SMC5: variants seen among roughly 807,000 people sequenced by gnomAD.
SMC5 encodes structural maintenance of chromosomes protein 5.
A neutral mutation model predicts 148.3 loss-of-function variants in SMC5; 88 were observed. The ratio of observed to expected loss-of-function variants is 0.59; its 90% CI spans 0.50 to 0.71. The LOEUF (loss-of-function observed/expected upper bound fraction) is 0.71, where lower values mean the gene tolerates loss of function less well. Ranked by LOEUF, SMC5 falls within the 30% of genes least tolerant of loss-of-function variation. The pLI is 0.00. For missense variants in SMC5, 1,142 were observed against 1,298.9 expected, an observed-to-expected ratio of 0.88 and a Z score of 1.86; for synonymous variants, 421 against 432.8, an observed-to-expected ratio of 0.97 and a Z score of 0.34.
intron 5 of SMC5, among the ~76,000 whole-genome samples, chr9:70,279,777 A>C (rs954618925): frequency 6.1e-5 from 9 of 147,734 alleles, no homozygotes; most frequent in Non-Finnish European, 1.5e-5. Context: ...AGAACACGCC[A>C]TTGCACTCCA....
At chr9:70,344,084 T>G in intron 17 of SMC5, 60 bp from the exon 18 acceptor site, 1 of 1,087,840 alleles carries the variant, frequency 9.2e-7, no homozygotes, top group Non-Finnish European at 1.2e-6. Context: ...GGTAGTTTAA[T>G]AAAACATCCC....
chr9:70,349,968 A>G (rs553968355), intron 22 of SMC5, 146 bp from the exon 23 acceptor site: 5 of 432,876 alleles, frequency 1.2e-5, no homozygotes, highest in South Asian at 5.1e-5. Context: ...TTAAAAATAC[A>G]TATATATTTA....
chr9:70,343,607 G>C (rs2036580715), intron 17 of SMC5, among the ~76,000 whole-genome samples: 1 of 152,092 alleles, frequency 6.6e-6, no homozygotes, highest in African/African-American at 2.4e-5. Context: ...CTTGAGGCCA[G>C]GAGTTGGAGA....
At position 70,259,107 on chromosome 9, in the gene SMC5, C is replaced by T. The variant is rs1475684118; in HGVS notation, c.29C>T (p.Thr10Ile). The T allele has an allele frequency of 1.2e-6, 2 of 1,611,480 alleles. No homozygotes were observed. Among genetic ancestry groups the T allele is most frequent in the South Asian group, 1.1e-5 (1 of 90,528 alleles). The change falls in exon 1 of 25, where the codon ACT (threonine) becomes ATT (isoleucine). Residue 10 changes from threonine (T) to isoleucine (I), a missense_variant. Around this residue, in one of 5 missense-constraint regions of SMC5, gnomAD observed 297 missense variants for 302.6 expected, o/e 0.98. Coordinates refer to ENST00000361138, the MANE Select transcript of SMC5 (RefSeq NM_015110.4). ...GCGACTCCGAGCAAGAAGACGTCAA[C>T]TCCAAGCCCCCAGCCTTCCAAGAGA... The part of the protein sequence containing the change: MATPSKKTS[T>I]PSPQPSKRAL...
chr9:70,291,820 A>T (rs1242330854), intron 8 of SMC5, among the ~76,000 whole-genome samples: 1 of 151,870 alleles, frequency 6.6e-6, no homozygotes, highest in Non-Finnish European at 1.5e-5. Flanking sequence ...ATGAGGATTT[A>T]TTAGGTTGGT....
chr9:70,342,478 C>T (rs1357496985), intron 17 of SMC5, among the ~76,000 whole-genome samples: 1 of 152,106 alleles, frequency 6.6e-6, no homozygotes, highest in African/African-American at 2.4e-5. Flanking sequence ...TGTGCTTAGG[C>T]CATTCCATAT....
intron 1 of SMC5, among the ~76,000 whole-genome samples, chr9:70,260,089 C>T (rs547489828): frequency 3.3e-5 from 5 of 152,136 alleles, no homozygotes; most frequent in Admixed American, 6.5e-5. Flanking sequence ...GGACTACAGG[C>T]GCGCGCCACC....
chr9:70,329,864 A>G (rs2036176252), intron 17 of SMC5, among the ~76,000 whole-genome samples: 2 of 152,222 alleles, frequency 1.3e-5, no homozygotes, highest in South Asian at 2.1e-4. Flanking sequence ...CAGGCTGTAC[A>G]AGGTGCATGG....
chr9:70,290,961 A>C lies in SMC5; in HGVS notation c.1053+4690A>C, dbSNP rs1434068830. 2.6e-5 allele frequency among the ~76,000 whole-genome samples: 4 copies of C among 152,172 alleles called. No individual in the cohort carries two copies. In the South Asian group the frequency reaches 6.2e-4, roughly 24 times the overall value. ...ACTGCTTTTTTCCTGAGTATGGGCC[A>C]TACTTTTTCCTTTATTTGAAAGTGT... On this transcript the variant is annotated intron_variant, in intron 8 of 24. Coordinates refer to ENST00000361138, the MANE Select transcript of SMC5 (RefSeq NM_015110.4).
chr9:70,316,570 G>C (rs538003323), intron 13 of SMC5, among the ~76,000 whole-genome samples: 2 of 152,148 alleles, frequency 1.3e-5, no homozygotes, highest in African/African-American at 4.8e-5. Context: ...GTTTAGAAAA[G>C]AGGACAAGAC....
intron 1 of SMC5, among the ~76,000 whole-genome samples, chr9:70,260,948 G>A (rs950813674): frequency 1.3e-5 from 2 of 152,022 alleles, no homozygotes; most frequent in Admixed American, 6.5e-5. Flanking sequence ...TCACCATGTT[G>A]CCCAGGCTAG....
intron 3 of SMC5, among the ~76,000 whole-genome samples, chr9:70,272,131 A>G (rs2034465185): frequency 6.6e-6 from 1 of 152,212 alleles, no homozygotes; most frequent in Admixed American, 6.5e-5. Flanking sequence ...TTGCTTATGA[A>G]TTATATACAG....
At position 70,315,541 on chromosome 9, in the gene SMC5, C is replaced by T; in HGVS notation, c.1769C>T (p.Pro590Leu). Residue 590 changes from proline (P) to leucine (L), a missense_variant, in exon 13 of 25, where the codon CCT becomes CTT. This residue lies in a region of SMC5 where 743 missense variants were observed against 835.7 expected (regional missense o/e 0.89). Coordinates refer to ENST00000361138, the MANE Select transcript of SMC5 (RefSeq NM_015110.4). ...TGTCAGTATCATATTCATGAAGTTC[C>T]TGTAGGAACTGAAAAGACCAGAGAA... ...LCCQYHIHEV[P>L]VGTEKTRERI... The T allele has an allele frequency of 6.3e-7, 1 of 1,592,144 alleles. No individual in the cohort carries two copies. The highest frequency in any genetic ancestry group is 2.3e-5 in the East Asian group (1 of 44,302).
intron 13 of SMC5, among the ~76,000 whole-genome samples, chr9:70,316,295 C>T (rs1219309919): frequency 6.6e-6 from 1 of 152,048 alleles, no homozygotes. Flanking sequence ...TATAGACCTA[C>T]CTGCTACTTA....
intron 7 of SMC5, 93 bp from the exon 8 acceptor site, chr9:70,286,107 G>A: frequency 1.3e-6 from 1 of 771,040 alleles, no homozygotes; most frequent in South Asian, 1.5e-5. Flanking sequence ...ATTGTTGTGG[G>A]TTAACTCGAT....
At chr9:70,286,315 T>G (rs1202003998) in intron 8 of SMC5, 44 bp downstream of exon 8, 2 of 1,270,132 alleles carry the variant, frequency 1.6e-6, no homozygotes, top group Admixed American at 3.7e-5. Context: ...AAGTTTGCTC[T>G]AACTTTTGTT....
chr9:70,292,750 T>C (rs576486217), intron 8 of SMC5, among the ~76,000 whole-genome samples: 6 of 152,288 alleles, frequency 3.9e-5, no homozygotes, highest in African/African-American at 1.4e-4. Context: ...CTTTTCTGCA[T>C]CTATTGATAT....
intron 1 of SMC5, among the ~76,000 whole-genome samples, chr9:70,262,854 G>A (rs1418644603): frequency 1.3e-5 from 2 of 151,982 alleles, no homozygotes; most frequent in Admixed American, 6.6e-5. Flanking sequence ...TCATGATAAG[G>A]GAATTCCCAA....
At chr9:70,317,599 A>G (rs2035837008) in intron 13 of SMC5, among the ~76,000 whole-genome samples, 2 of 152,184 alleles carry the variant, frequency 1.3e-5, no homozygotes, top group African/African-American at 4.8e-5. Context: ...AACAAGCTAC[A>G]GTAGTATTAC....
Sources: gnomAD v4.1 joint callset for allele counts (sites outside exome capture counted in the v4.1 genomes callset) on GRCh38, gnomAD v4.1.1 for gene constraint, gnomAD v4.1.1 regional missense constraint, MANE v1.5 for transcripts, NCBI Gene and HGNC (gene_info 2026-07-23, HGNC 2026-07-21) for gene names.